RASEF: variants seen among roughly 807,000 people sequenced by gnomAD.
RASEF encodes the protein ras and EF-hand domain-containing protein.
Under a neutral mutation model 90.1 loss-of-function variants are expected in RASEF, and 68 were observed. The ratio of observed to expected loss-of-function variants is 0.75; its 90% CI spans 0.62 to 0.92. RASEF has a LOEUF of 0.92. RASEF is among the 40% of genes least tolerant of loss of function. RASEF has a pLI of 0.00. For missense variants in RASEF, 949 were observed against 937.2 expected, an observed-to-expected ratio of 1.01 and a Z score of -0.16; for synonymous variants, 331 against 345.2, an observed-to-expected ratio of 0.96 and a Z score of 0.46.
rs1433101194 is a variant in RASEF at position 83,041,298 on chromosome 9, G to A, written c.432-15377C>T. ...TTATATATGTGATATTATTTGTTTA[G>A]TGTCCCAAAAGACATGTCACCGAGT... On this transcript the variant is annotated intron_variant, in intron 1 of 16. Transcript: ENST00000376447. 2.0e-5 allele frequency among the ~76,000 whole-genome samples: 3 copies of A among 152,124 alleles called. No homozygotes were observed. In the East Asian group the frequency reaches 5.8e-4, roughly 29 times the overall value.
Position 82,990,929 on chromosome 9 carries a change from G to A in RASEF, c.2041-462C>T, listed in dbSNP as rs574537349. ...CACGTTTGCTGAAACCAATGGACAC[G>A]TTCTAGTTCTCTATTATTCAACCTC... On this transcript the variant is annotated intron_variant, in intron 15 of 16. Coordinates refer to ENST00000376447, the MANE Select transcript of RASEF (RefSeq NM_152573.4). Among the ~76,000 whole-genome samples the A allele has an allele frequency of 5.3e-5, 8 of 152,230 alleles. No homozygotes were observed. In the East Asian group the frequency reaches 7.7e-4, roughly 15 times the overall value.
the RASEF span, among the ~76,000 whole-genome samples, chr9:83,152,651 C>T: frequency 0.01 from 1,549 of 152,276 alleles, 28 homozygotes; most frequent in African/African-American, 0.035. Flanking sequence ...TGGAATTTCA[C>T]ATTATGTTCT....
the RASEF span, among the ~76,000 whole-genome samples, chr9:83,162,485 C>A: frequency 1.3e-5 from 2 of 152,012 alleles, no homozygotes; most frequent in Non-Finnish European, 2.9e-5. Flanking sequence ...GTTGGGAAAT[C>A]GTTTTTGAAT....
chr9:83,028,866 T>G (rs904817566), intron 1 of RASEF, among the ~76,000 whole-genome samples: 7 of 152,158 alleles, frequency 4.6e-5, no homozygotes, highest in Non-Finnish European at 1.0e-4. Context: ...GAATAGCTCC[T>G]AATCCAATCT....
the RASEF span, among the ~76,000 whole-genome samples, chr9:83,186,978 C>A: frequency 2.6e-5 from 4 of 152,116 alleles, no homozygotes; most frequent in African/African-American, 9.7e-5. Flanking sequence ...AGAGCCTCGC[C>A]TGCTCCATCT....
chr9:83,064,368 A>G (rs550126025), upstream of RASEF, among the ~76,000 whole-genome samples: 1 of 152,320 alleles, frequency 6.6e-6, no homozygotes, highest in Admixed American at 6.5e-5. Context: ...ATAGTTGTAT[A>G]CAGTTGGACA....
the RASEF span, among the ~76,000 whole-genome samples, chr9:83,197,979 A>G: frequency 6.6e-6 from 1 of 152,214 alleles, no homozygotes; most frequent in Non-Finnish European, 1.5e-5. Context: ...CTTACTTATC[A>G]GAGAGAATCA....
At chr9:82,989,202 A>G (rs1828767453) in intron 16 of RASEF, among the ~76,000 whole-genome samples, 1 of 149,454 alleles carries the variant, frequency 6.7e-6, no homozygotes, top group South Asian at 2.2e-4. Flanking sequence ...ATTAATGTAT[A>G]TATGTATATG....
rs558147206 is a variant in RASEF at position 83,060,307 on chromosome 9, G to C, written c.431+2130C>G. Among the ~76,000 whole-genome samples the C allele has an allele frequency of 3.3e-5, 5 of 152,302 alleles. 1 individual carries two copies. In the South Asian group the frequency reaches 1.0e-3, roughly 32 times the overall value. ...ATGAACAACTTAATCACTTTTTAAA[G>C]AAAAGCTCAAGACTTCAAAGAAAAT... On this transcript the variant is annotated intron_variant, in intron 1 of 16. Transcript: ENST00000376447.
At chr9:83,004,380 A>C in intron 9 of RASEF, 118 bp downstream of exon 9, 1 of 599,922 alleles carries the variant, frequency 1.7e-6, no homozygotes, top group Middle Eastern at 3.5e-4. Context: ...AACATCATAG[A>C]AAATATAAAT....
At chr9:83,085,386 C>T in the RASEF span, among the ~76,000 whole-genome samples, 3,152 of 152,290 alleles carry the variant, frequency 0.021, 90 homozygotes, top group African/African-American at 0.071. Flanking sequence ...GTAATCCCAG[C>T]ACTTTGGGAG....
the RASEF span, among the ~76,000 whole-genome samples, chr9:83,079,284 C>A: frequency 6.6e-6 from 1 of 152,124 alleles, no homozygotes; most frequent in East Asian, 1.9e-4. Flanking sequence ...AGCCAGTTAG[C>A]CCAGCAAAAT....
the RASEF span, among the ~76,000 whole-genome samples, chr9:83,147,026 G>GTATATATA: frequency 5.1e-5 from 6 of 118,110 alleles, no homozygotes; most frequent in Admixed American, 4.5e-4. Flanking sequence ...GTGTGTGTGT[G>GTATATATA]TGTATATATA....
At chr9:83,083,377 C>T in the RASEF span, among the ~76,000 whole-genome samples, 1 of 152,118 alleles carries the variant, frequency 6.6e-6, no homozygotes, top group Non-Finnish European at 1.5e-5. Flanking sequence ...ATTTTGTACA[C>T]ATTCGACCAT....
chr9:83,079,277 C>T, the RASEF span, among the ~76,000 whole-genome samples: 1 of 152,162 alleles, frequency 6.6e-6, no homozygotes, highest in Admixed American at 6.5e-5. Context: ...TATGACTAGC[C>T]AGTTAGCCCA....
At chr9:83,203,586 C>T in the RASEF span, among the ~76,000 whole-genome samples, 4 of 152,146 alleles carry the variant, frequency 2.6e-5, no homozygotes, top group Non-Finnish European at 5.9e-5. Context: ...TATTCCATTA[C>T]ATTTTAGGTA....
chr9:82,993,014 A>T lies in RASEF; in HGVS notation c.1932T>A (p.His644Gln), dbSNP rs1414635229. 5 of 1,613,000 alleles carry T rather than the reference A, an allele frequency of 3.1e-6. No homozygotes were observed. In the East Asian group the frequency reaches 8.9e-5, roughly 29 times the overall value. ...EWVDMIEDAAHETVPIMLVGN... is the reference protein window; with the variant it reads ...EWVDMIEDAAQETVPIMLVGN... ...CTACCAGCATAATGGGAACAGTCTC[A>T]TGGGCTGCATCCTACCAGGAAGAAA... Residue 644 changes from histidine to glutamine, a missense_variant, in exon 15 of 17, where the codon CAT (histidine) becomes CAA (glutamine). Around this residue, in one of 3 missense-constraint regions of RASEF, gnomAD observed 288 missense variants for 328.4 expected, o/e 0.88. Coordinates refer to ENST00000376447, the MANE Select transcript of RASEF (RefSeq NM_152573.4).
the RASEF span, among the ~76,000 whole-genome samples, chr9:83,123,591 C>T: frequency 6.6e-6 from 1 of 152,156 alleles, no homozygotes; most frequent in Non-Finnish European, 1.5e-5. Flanking sequence ...CGCAAGGAGC[C>T]CAAACCCTCC....
the RASEF span, among the ~76,000 whole-genome samples, chr9:83,142,730 C>T: frequency 3.3e-5 from 5 of 152,074 alleles, no homozygotes; most frequent in Non-Finnish European, 7.4e-5. Context: ...GTTGGTGGAT[C>T]CTTTCATTTT....
Sources: allele counts gnomAD v4.1 joint callset (sites outside exome capture counted in the v4.1 genomes callset), GRCh38; gene constraint gnomAD v4.1.1; regional missense constraint gnomAD v4.1.1; transcripts MANE v1.5; gene names NCBI Gene and HGNC (gene_info 2026-07-23, HGNC 2026-07-21).